Variants in THBS2 observed in about 807,000 individuals in gnomAD.
The protein encoded by THBS2 is thrombospondin-2.
THBS2 carries 47 observed loss-of-function variants against 135.2 expected under a neutral mutation model. The observed-to-expected ratio is 0.35, with a 90% CI of 0.28 to 0.44. The LOEUF (loss-of-function observed/expected upper bound fraction) is 0.44, where lower values mean the gene tolerates loss of function less well. Among genes scored for constraint, THBS2 ranks in the 20% least tolerant of loss-of-function variants. THBS2 has a pLI of 1.00. For synonymous variants in THBS2, 639 were observed against 633.8 expected, an observed-to-expected ratio of 1.01 and a Z score of -0.12; for missense variants, 1,288 against 1,603.1, an observed-to-expected ratio of 0.80 and a Z score of 3.36.
chr6:169,243,171 TCTCC>T (rs1780431032), intron 4 of THBS2, among the ~76,000 whole-genome samples: 3 of 31,572 alleles, frequency 9.5e-5, no homozygotes, highest in South Asian at 1.4e-3. Context: ...CATTCCCACC[TCTCC>T]CACCTTCCCA....
chr6:169,232,438 G>A (rs1274737564), intron 12 of THBS2, among the ~76,000 whole-genome samples: 3 of 152,068 alleles, frequency 2.0e-5, no homozygotes, highest in African/African-American at 7.2e-5. Flanking sequence ...CGCTAACAGC[G>A]GAGAGGTGGC....
intron 17 of THBS2, among the ~76,000 whole-genome samples, chr6:169,224,106 A>G (rs1287329476): frequency 6.7e-6 from 1 of 149,180 alleles, no homozygotes; most frequent in Non-Finnish European, 1.5e-5. Flanking sequence ...GCAGATTGCA[A>G]TGTACTGAAT....
At chr6:169,237,465 C>A in intron 8 of THBS2, 119 bp from the exon 9 acceptor site, 1 of 1,483,388 alleles carries the variant, frequency 6.7e-7, no homozygotes, top group Non-Finnish European at 9.2e-7. Context: ...GAAGGAGAAC[C>A]CCTCCCATCA....
At position 169,248,470 on chromosome 6, in the gene THBS2, C is replaced by A; in HGVS notation, c.556G>T (p.Glu186Ter). The change falls in exon 3 of 22, where the codon GAA (glutamate) becomes TAA (stop). Residue 186 changes from glutamate (E) to a stop codon, truncating the protein, a stop_gained. Transcript: ENST00000617924. LOFTEE classifies it high-confidence loss of function. Reference protein sequence around the residue: ...DEPFYEHLQAEKSRMYVAKGS... With the variant: ...DEPFYEHLQA ...TTGGCCACGTACATCCGGCTCTTTT[C>A]CGCCTGCAGGTGCTCGTAGAAGGGC... is the stretch of plus-strand genomic sequence containing the variant. 6.2e-7 allele frequency: 1 copy of A among 1,612,950 alleles called. No individual in the cohort carries two copies. Among genetic ancestry groups the A allele is most frequent in the African/African-American group, 1.3e-5 (1 of 75,034 alleles).
At chr6:169,245,791 CAAAA>C (rs77953553) in intron 4 of THBS2, among the ~76,000 whole-genome samples, 5 of 84,936 alleles carry the variant, frequency 5.9e-5, no homozygotes, top group African/African-American at 4.8e-5. Flanking sequence ...GACTCTGGCT[CAAAA>C]AAAAAAAAAA....
chr6:169,233,726 C>A (rs747832075), intron 10 of THBS2, among the ~76,000 whole-genome samples: 1 of 149,970 alleles, frequency 6.7e-6, no homozygotes, highest in Non-Finnish European at 1.5e-5. Context: ...ACACAACTAC[C>A]CACACGCCAC....
In THBS2 at chr6:169,240,482, C is replaced by T; in HGVS notation, c.1002G>A (p.Val334=). The part of the protein sequence containing the change: ...GRFFAENETW[V]VDSCTTCTCK... ...AGGTACACGTGGTGCAGCTGTCCAC[C>T]ACCCACGTTTCATTTTCCGCAAAGA... The change falls in exon 6 of 22, where the codon GTG becomes GTA. Residue 334 remains valine (V), a synonymous_variant. Transcript: ENST00000617924. The T allele has an allele frequency of 6.2e-7, 1 of 1,613,840 alleles. No homozygotes were observed. Among genetic ancestry groups the T allele is most frequent in the Non-Finnish European group, 8.5e-7 (1 of 1,180,018 alleles).
At chr6:169,217,896 GT>G in intron 21 of THBS2, 67 bp from the exon 22 acceptor site, 1 of 1,460,002 alleles carries the variant, frequency 6.8e-7, no homozygotes, top group Non-Finnish European at 9.4e-7. Flanking sequence ...GATTTATTTT[GT>G]TTTACCTAGA....
At position 169,241,713 on chromosome 6, in the gene THBS2, G is replaced by A. The variant is rs370344613; in HGVS notation, c.891+49C>T. 521 of 1,538,332 alleles carry A rather than the reference G, an allele frequency of 3.4e-4. 4 individuals carry two copies. In the South Asian group the frequency reaches 4.3e-3, roughly 13 times the overall value. On this transcript the variant is annotated intron_variant, in intron 5 of 21. Coordinates refer to ENST00000617924, the MANE Select transcript of THBS2 (RefSeq NM_003247.5). This position sits in a 1 kb window ranked among gnomAD's most constrained non-coding sequence, Gnocchi z 5.5. Reference sequence around the variant, plus strand: ...ATACCTGCTGAGATGGGCCAGCGGCGGAGCTGCCCATGCCCTATGACCCCC... The same window carrying A: ...ATACCTGCTGAGATGGGCCAGCGGCAGAGCTGCCCATGCCCTATGACCCCC...
chr6:169,238,999 CAGGGGTGGG>C (rs898793506), intron 7 of THBS2, among the ~76,000 whole-genome samples: 4 of 152,010 alleles, frequency 2.6e-5, no homozygotes, highest in Non-Finnish European at 5.9e-5. Context: ...GAACTCGGGG[CAGGGGTGGG>C]AGGCAGCACA....
chr6:169,234,842 G>A lies in THBS2; in HGVS notation c.1543C>T (p.Arg515Trp), dbSNP rs751050259. The change falls in exon 10 of 22, where the codon CGG becomes TGG. Residue 515 changes from arginine to tryptophan, a missense_variant. Physicochemically the swap from Arg to Trp is moderately radical, Grantham distance 101 (BLOSUM62 -3). This residue lies in a region of THBS2 where 874 missense variants were observed against 1,156.1 expected (regional missense o/e 0.76). Coordinates refer to ENST00000617924, the MANE Select transcript of THBS2 (RefSeq NM_003247.5). ...CTGTTGCAGACCCGGGTGCGCTCCC[G>A]GATCCCACCGGCACAGGTGACAGTG... ...ACTVTCAGGI[R>W]ERTRVCNSPE... The A allele has an allele frequency of 8.1e-6, 13 of 1,613,022 alleles. No individual in the cohort carries two copies. Among genetic ancestry groups the A allele is most frequent in the African/African-American group, 1.3e-5 (1 of 74,918 alleles).
At position 169,239,715 on chromosome 6, in the gene THBS2, T is replaced by G; in HGVS notation, c.1033-20A>C. On this transcript the variant is annotated intron_variant, in intron 6 of 21. Transcript: ENST00000617924. ...AAATTTCTACAAGTGAAGAAAGGCATGCATGGAACACTCATTTAAAAGGAG... is the reference window on the plus strand; with the variant it reads ...AAATTTCTACAAGTGAAGAAAGGCAGGCATGGAACACTCATTTAAAAGGAG... 1 of 1,559,172 alleles carries G rather than the reference T, an allele frequency of 6.4e-7. No homozygotes were observed. The highest frequency in any genetic ancestry group is 8.7e-7 in the Non-Finnish European group (1 of 1,145,756).
chr6:169,242,614 A>C (rs1174400822), intron 4 of THBS2, among the ~76,000 whole-genome samples: 7 of 30,682 alleles, frequency 2.3e-4, no homozygotes, highest in East Asian at 1.0e-3. Flanking sequence ...CCACCTTCCC[A>C]CCGCTCCCAC....
chr6:169,226,251 G>T lies in THBS2; in HGVS notation c.2467C>A (p.Gln823Lys). 1 of 1,614,124 alleles carries T rather than the reference G, an allele frequency of 6.2e-7. No homozygotes were observed. The highest frequency in any genetic ancestry group is 8.5e-7 in the Non-Finnish European group (1 of 1,179,996). ...ACACCGTCACCATCCGTGTCCCTCT[G>T]GTCAGTGTTGTAGACGTAGGGACAA... ...DNCPYVYNTD[Q>K]RDTDGDGVGD... is the part of the protein sequence containing the mutation. The change falls in exon 16 of 22, where the codon CAG becomes AAG. Residue 823 changes from glutamine (Q) to lysine (K), a missense_variant. Gln to Lys is a moderately conservative substitution (Grantham distance 53). Transcript: ENST00000617924.
intron 9 of THBS2, among the ~76,000 whole-genome samples, chr6:169,235,924 C>G (rs930112258): frequency 7.7e-6 from 1 of 129,168 alleles, no homozygotes; most frequent in Non-Finnish European, 1.7e-5. Context: ...TCTGTCCACA[C>G]TCACTACTCA....
intron 17 of THBS2, 134 bp downstream of exon 17, chr6:169,225,011 C>A: frequency 1.2e-6 from 1 of 850,220 alleles, no homozygotes; most frequent in South Asian, 1.6e-5. Context: ...GGACCCACAG[C>A]TTTAAGAGGC....
In THBS2 at chr6:169,232,128, A is replaced by G. The variant is rs144028297; in HGVS notation, c.2003T>C (p.Leu668Pro). Residue 668 changes from leucine (L) to proline (P), a missense_variant, in exon 13 of 22, where the codon CTG becomes CCG. Physicochemically the swap from Leu to Pro is moderately conservative, Grantham distance 98. Coordinates refer to ENST00000617924, the MANE Select transcript of THBS2 (RefSeq NM_003247.5). ...GTACATGGGGTCGCTGAAGTGGCCC[A>G]GGTAGATGCACTCCGCGTGCTTGTG... The part of the protein sequence containing the change: ...NCHKHAECIY[L>P]GHFSDPMYKC... 1.2e-6 allele frequency: 2 copies of G among 1,613,950 alleles called. No homozygotes were observed. The highest frequency in any genetic ancestry group is 1.7e-5 in the Admixed American group (1 of 60,008).
intron 13 of THBS2, 123 bp downstream of exon 13, chr6:169,231,857 C>T: frequency 8.6e-7 from 1 of 1,158,392 alleles, no homozygotes; most frequent in Non-Finnish European, 1.2e-6. Context: ...AGGCAAGAGG[C>T]CTGAGAGACC....
At position 169,232,203 on chromosome 6, in the gene THBS2, G is replaced by A. The variant is rs774944184; in HGVS notation, c.1933-5C>T. 22 of 1,610,530 alleles carry A rather than the reference G, an allele frequency of 1.4e-5. No individual in the cohort carries two copies. The highest frequency in any genetic ancestry group is 1.8e-5 in the Non-Finnish European group (21 of 1,178,238). Reference sequence around the variant, plus strand: ...TGGGTTTTCGGGCTCACACACCTACGGGGAGAAGGGCTGCGGGGTTAGCGA... The same window carrying A: ...TGGGTTTTCGGGCTCACACACCTACAGGGAGAAGGGCTGCGGGGTTAGCGA... On this transcript the variant is annotated splice_polypyrimidine_tract_variant and splice_region_variant and intron_variant, in intron 12 of 21. Coordinates refer to ENST00000617924, the MANE Select transcript of THBS2 (RefSeq NM_003247.5).
Sources: gnomAD v4.1 joint callset for allele counts (sites outside exome capture counted in the v4.1 genomes callset) on GRCh38, gnomAD v4.1.1 for gene constraint, gnomAD v4.1.1 regional missense constraint, Gnocchi (gnomAD v3.1) non-coding constraint, MANE v1.5 for transcripts, NCBI Gene and HGNC (gene_info 2026-07-23, HGNC 2026-07-21) for gene names.